KIAA1549L: variants seen among roughly 807,000 people sequenced by gnomAD.
KIAA1549L encodes UPF0606 protein KIAA1549L.
A neutral mutation model predicts 160.7 loss-of-function variants in KIAA1549L; 88 were observed. The ratio of observed to expected loss-of-function variants is 0.55; its 90% CI spans 0.46 to 0.65. The LOEUF (loss-of-function observed/expected upper bound fraction) is 0.65, where lower values mean the gene tolerates loss of function less well. Ranked by LOEUF, KIAA1549L falls within the 30% of genes least tolerant of loss-of-function variation. The probability of loss-of-function intolerance (pLI) is 0.00; values close to 1 mark genes in which losing one functional copy is unlikely to be tolerated. For synonymous variants in KIAA1549L, 950 were observed against 976.7 expected, an observed-to-expected ratio of 0.97 and a Z score of 0.51; for missense variants, 2,258 against 2,437.5, an observed-to-expected ratio of 0.93 and a Z score of 1.55.
At chr11:33,414,067 C>G (rs2134091734) in intron 1 of KIAA1549L, among the ~76,000 whole-genome samples, 1 of 152,318 alleles carries the variant, frequency 6.6e-6, no homozygotes, top group African/African-American at 2.4e-5. Flanking sequence ...TAGCCATTGT[C>G]AAAGCATCTG....
At chr11:33,381,865 A>G (rs1565113443) in intron 1 of KIAA1549L, among the ~76,000 whole-genome samples, 1 of 152,194 alleles carries the variant, frequency 6.6e-6, no homozygotes, top group Non-Finnish European at 1.5e-5. Context: ...GGAGAGAAAG[A>G]GAGGAATTGA....
At chr11:33,568,303 A>C in intron 9 of KIAA1549L, 76 bp downstream of exon 9, 1 of 1,414,404 alleles carries the variant, frequency 7.1e-7, no homozygotes, top group Non-Finnish European at 9.6e-7. Flanking sequence ...GAGACTAAAT[A>C]AGTCAGTGTG....
chr11:33,647,232 C>T (rs1014215875), intron 17 of KIAA1549L, among the ~76,000 whole-genome samples: 1 of 151,942 alleles, frequency 6.6e-6, no homozygotes, highest in African/African-American at 2.4e-5. Flanking sequence ...AAAAATTAGC[C>T]AGGTGTGGCG....
At chr11:33,579,748 A>C (rs1303834939) in intron 10 of KIAA1549L, among the ~76,000 whole-genome samples, 1 of 152,150 alleles carries the variant, frequency 6.6e-6, no homozygotes, top group Non-Finnish European at 1.5e-5. Context: ...TCCTGGGGAA[A>C]ATATGAGTGC....
intron 1 of KIAA1549L, among the ~76,000 whole-genome samples, chr11:33,494,906 G>A (rs961837849): frequency 3.9e-5 from 6 of 152,226 alleles, no homozygotes; most frequent in Non-Finnish European, 5.9e-5. Flanking sequence ...CACATCAGTC[G>A]TAGTCAAATA....
intron 13 of KIAA1549L, among the ~76,000 whole-genome samples, chr11:33,601,148 A>T (rs1850350339): frequency 6.6e-6 from 1 of 152,138 alleles, no homozygotes. Flanking sequence ...TGCTCTATTA[A>T]AAAGCCATCC....
rs1851736954 is a variant in KIAA1549L, at chr11:33,452,329, C to G, written c.238+75440C>G. Among the ~76,000 whole-genome samples the G allele has an allele frequency of 3.3e-5, 5 of 151,728 alleles. No homozygotes were observed. The South Asian group carries it at 1.0e-3, about 32-fold the overall frequency. ...TGCCATTAAAAGTAATGGCAGAGGC[C>G]AGGCATGGTGGCTCACACCTGTAAT... On this transcript the variant is annotated intron_variant, in intron 1 of 20. Transcript: ENST00000658780.
intron 15 of KIAA1549L, among the ~76,000 whole-genome samples, chr11:33,614,533 TATATATATA>T (rs1296436534): frequency 4.0e-4 from 1 of 2,502 alleles, no homozygotes; most frequent in East Asian, 6.0e-3. Context: ...TGTAACAAGA[TATATATATA>T]TATATATATA....
chr11:33,406,258 A>G (rs922675208), intron 1 of KIAA1549L, among the ~76,000 whole-genome samples: 1 of 152,200 alleles, frequency 6.6e-6, no homozygotes, highest in South Asian at 2.1e-4. Context: ...CACGGCCCCA[A>G]CACACCCGCT....
At chr11:33,592,009 A>G (rs1236381497) in intron 12 of KIAA1549L, among the ~76,000 whole-genome samples, 8 of 152,186 alleles carry the variant, frequency 5.3e-5, no homozygotes, top group Non-Finnish European at 1.0e-4. Flanking sequence ...TGAACAGGGA[A>G]AACCTCGTGG....
intron 1 of KIAA1549L, among the ~76,000 whole-genome samples, chr11:33,440,190 C>G (rs1464865035): frequency 4.0e-5 from 5 of 125,468 alleles, no homozygotes; most frequent in African/African-American, 1.5e-4. Context: ...AGTGCAGTGG[C>G]GGGATCTCGG....
intron 1 of KIAA1549L, among the ~76,000 whole-genome samples, chr11:33,532,812 C>CAAAGTGGATTGTCTTGTG (rs1345309645): frequency 1.3e-5 from 2 of 152,166 alleles, no homozygotes; most frequent in Non-Finnish European, 2.9e-5. Context: ...GTGAATAGGA[C>CAAAGTGGATTGTCTTGTG]AAAGTGGATT....
intron 1 of KIAA1549L, among the ~76,000 whole-genome samples, chr11:33,410,468 C>T (rs1360696484): frequency 1.3e-5 from 2 of 152,140 alleles, no homozygotes; most frequent in Non-Finnish European, 2.9e-5. Flanking sequence ...AGAAGTAGTA[C>T]CTAGATTAGT....
intron 12 of KIAA1549L, among the ~76,000 whole-genome samples, chr11:33,595,281 C>G (rs35925175): frequency 0.098 from 14,882 of 152,250 alleles, 1,029 homozygotes; most frequent in Non-Finnish European, 0.16. Flanking sequence ...GGCTGTAGTG[C>G]AGTGGCAAGA....
intron 1 of KIAA1549L, among the ~76,000 whole-genome samples, chr11:33,388,748 A>C (rs1850220221): frequency 6.6e-6 from 1 of 152,198 alleles, no homozygotes; most frequent in Admixed American, 6.5e-5. Flanking sequence ...GTCAGATTCA[A>C]ACCTAGAGTT....
At chr11:33,646,126 T>TA (rs1851718150) in intron 17 of KIAA1549L, 90 bp downstream of exon 17, 1 of 998,848 alleles carries the variant, frequency 1.0e-6, no homozygotes, top group Admixed American at 2.8e-5. Flanking sequence ...CTTCTACAGA[T>TA]AAAAAGCTTT....
chr11:33,562,250 A>C (rs1228009859), intron 8 of KIAA1549L, among the ~76,000 whole-genome samples: 1 of 152,106 alleles, frequency 6.6e-6, no homozygotes, highest in Non-Finnish European at 1.5e-5. Context: ...TTTCCTGTGG[A>C]TCTTTATGGA....
rs200320300 is a variant in KIAA1549L at position 33,425,203 on chromosome 11, C to T, written c.238+48314C>T. On this transcript the variant is annotated intron_variant, in intron 1 of 20. Coordinates refer to ENST00000658780, the MANE Select transcript of KIAA1549L (RefSeq NM_012194.3). Reference sequence around the variant, plus strand: ...TAATTGATTTGAAGATTTGTATATACGTTAGTATCTAGAGCAGAAGAGAAC... The same window carrying T: ...TAATTGATTTGAAGATTTGTATATATGTTAGTATCTAGAGCAGAAGAGAAC... Among the ~76,000 whole-genome samples, 8 of 152,140 alleles carry T rather than the reference C, an allele frequency of 5.3e-5. No individual in the cohort carries two copies. The East Asian group carries it at 7.7e-4, about 15-fold the overall frequency.
chr11:33,598,835 G>A lies in KIAA1549L; in HGVS notation c.4767G>A (p.Glu1589=). Residue 1589 remains glutamate, a synonymous_variant, in exon 13 of 21, where the codon GAG becomes GAA. Coordinates refer to ENST00000658780, the MANE Select transcript of KIAA1549L (RefSeq NM_012194.3). Reference sequence around the variant, plus strand: ...TTACCTCCAGCAGGTCGCCCAGTGAGAATGGCTCTGTCATCAGCAACGAAT... The same window carrying A: ...TTACCTCCAGCAGGTCGCCCAGTGAAAATGGCTCTGTCATCAGCAACGAAT... ...TETRKSRSPS[E]NGSVISNESG... 1 of 1,613,918 alleles carries A rather than the reference G, an allele frequency of 6.2e-7. No individual in the cohort carries two copies. Among genetic ancestry groups the A allele is most frequent in the Non-Finnish European group, 8.5e-7 (1 of 1,179,852 alleles).
Sources: gnomAD v4.1 joint callset for allele counts (sites outside exome capture counted in the v4.1 genomes callset) on GRCh38, gnomAD v4.1.1 for gene constraint, MANE v1.5 for transcripts, NCBI Gene and HGNC (gene_info 2026-07-23, HGNC 2026-07-21) for gene names.